The following ITSN1 variants were observed in gnomAD, a reference collection of about 807,000 sequenced individuals.
ITSN1 encodes the protein intersectin 1.
ITSN1 carries 58 observed loss-of-function variants against 239.8 expected under a neutral mutation model. The observed-to-expected ratio is 0.24, with a 90% CI of 0.20 to 0.30. The LOEUF is 0.30. Ranked by LOEUF, ITSN1 falls within the 10% of genes least tolerant of loss-of-function variation. The pLI, the probability that ITSN1 is intolerant of heterozygous loss-of-function variation, is 1.00. For synonymous variants in ITSN1, 780 were observed against 770.8 expected, an observed-to-expected ratio of 1.01 and a Z score of -0.20; for missense variants, 1,558 against 2,103.3, an observed-to-expected ratio of 0.74 and a Z score of 5.07.
At chr21:33,670,394 C>T (rs1029171956) in intron 1 of ITSN1, among the ~76,000 whole-genome samples, 1 of 152,060 alleles carries the variant, frequency 6.6e-6, no homozygotes, top group Non-Finnish European at 1.5e-5. Context: ...ATTACTTATT[C>T]CCTAATTTAT....
intron 1 of ITSN1, among the ~76,000 whole-genome samples, chr21:33,713,629 C>G (rs926951037): frequency 1.1e-4 from 16 of 152,166 alleles, no homozygotes; most frequent in African/African-American, 3.9e-4. Context: ...GGACAAAACA[C>G]CTTAAGCCAA....
At chr21:33,683,022 A>T (rs979947410) in intron 1 of ITSN1, among the ~76,000 whole-genome samples, 2 of 152,028 alleles carry the variant, frequency 1.3e-5, no homozygotes, top group Admixed American at 6.5e-5. Flanking sequence ...TCCTCCTTCA[A>T]ATATATGAAC....
chr21:33,751,951 A>G, intron 7 of ITSN1, 45 bp downstream of exon 7: 2 of 1,153,002 alleles, frequency 1.7e-6, no homozygotes, highest in African/African-American at 1.5e-5. Flanking sequence ...TAAGGCCATT[A>G]CCTGATTAAA....
chr21:33,866,983 G>T lies in ITSN1; in HGVS notation c.4075-250G>T, dbSNP rs183892208. Among the ~76,000 whole-genome samples, 138 of 142,654 alleles carry T rather than the reference G, an allele frequency of 9.7e-4. 1 individual carries two copies. Among genetic ancestry groups the T allele is most frequent in the Non-Finnish European group, 9.0e-4 (57 of 63,362 alleles). The allele number at this position is 142,654 out of a possible 152,430, so 93.6% of individuals were successfully genotyped here. On this transcript the variant is annotated intron_variant, in intron 32 of 39. Coordinates refer to ENST00000381318, the MANE Select transcript of ITSN1 (RefSeq NM_003024.3). Reference sequence around the variant, plus strand: ...ATAAGGAACCATGCATGCCATGGAGGGTATGCTGAATCCAGAGTGCAGGGC... The same window carrying T: ...ATAAGGAACCATGCATGCCATGGAGTGTATGCTGAATCCAGAGTGCAGGGC...
In ITSN1 at chr21:33,797,300, G is replaced by A; in HGVS notation, c.1953-79G>A. The A allele has an allele frequency of 1.6e-6, 2 of 1,233,798 alleles. No homozygotes were observed. Among genetic ancestry groups the A allele is most frequent in the South Asian group, 1.3e-5 (1 of 77,688 alleles). The allele number at this position is 1,233,798 out of a possible 1,614,324, so 76.4% of individuals were successfully genotyped here. ...GTTCCCATCCCATTTACTGGATGGAGCTTTTTTTGTGAAAAGAGGCAACAG... is the reference window on the plus strand; with the variant it reads ...GTTCCCATCCCATTTACTGGATGGAACTTTTTTTGTGAAAAGAGGCAACAG... On this transcript the variant is annotated intron_variant, in intron 17 of 39. Transcript: ENST00000381318. The surrounding 1 kb of genome is among the most constrained non-coding windows in gnomAD (Gnocchi z 4.9).
intron 1 of ITSN1, among the ~76,000 whole-genome samples, chr21:33,704,913 C>T (rs1158772126): frequency 3.9e-5 from 5 of 128,582 alleles, no homozygotes; most frequent in African/African-American, 1.6e-4. Flanking sequence ...ATGGAGAAAC[C>T]CATCTCTACT....
rs1986626080 is a variant in ITSN1 at position 33,895,101 on chromosome 21, G to C, written c.*6801G>C. On this transcript the variant is annotated 3_prime_UTR_variant, in exon 40 of 40. Transcript: ENST00000381318. ...TGGGTGGGAAGGAAGCTCGCGGCGA[G>C]CCTAGGGTTCAAGCCTAGCGCGCCA... 1 of 152,334 alleles carries C rather than the reference G, an allele frequency of 6.6e-6. No homozygotes were observed. Among genetic ancestry groups the C allele is most frequent in the Non-Finnish European group, 1.5e-5 (1 of 68,146 alleles). The allele number at this position is 152,334 out of a possible 1,614,324, so 9.4% of individuals were successfully genotyped here.
intron 1 of ITSN1, among the ~76,000 whole-genome samples, chr21:33,657,298 C>T (rs2089175364): frequency 1.3e-5 from 2 of 152,194 alleles, no homozygotes; most frequent in South Asian, 4.1e-4. Flanking sequence ...CTTTCTTGAC[C>T]TTCTCCTTTT....
intron 14 of ITSN1, among the ~76,000 whole-genome samples, chr21:33,776,628 T>C (rs2069651004): frequency 6.6e-6 from 1 of 152,086 alleles, no homozygotes; most frequent in Non-Finnish European, 1.5e-5. Context: ...CATTTTACAT[T>C]CTGATCATTT....
chr21:33,655,183 G>T (rs1006887723), intron 1 of ITSN1, among the ~76,000 whole-genome samples: 1 of 152,150 alleles, frequency 6.6e-6, no homozygotes, highest in African/African-American at 2.4e-5. Flanking sequence ...GCGGACTCTG[G>T]CTCGGACCTG....
chr21:33,778,454 A>G (rs1016127491), intron 14 of ITSN1, among the ~76,000 whole-genome samples: 1 of 151,542 alleles, frequency 6.6e-6, no homozygotes, highest in Admixed American at 6.6e-5. Flanking sequence ...TTATGCAGAT[A>G]TAGGGCTATT....
intron 27 of ITSN1, among the ~76,000 whole-genome samples, chr21:33,832,181 C>G (rs913193900): frequency 6.6e-6 from 1 of 152,158 alleles, no homozygotes; most frequent in Non-Finnish European, 1.5e-5. Context: ...TGCCTTTGTT[C>G]ATGACATTTC....
intron 11 of ITSN1, among the ~76,000 whole-genome samples, chr21:33,769,853 A>G (rs1215852699): frequency 6.6e-6 from 1 of 151,278 alleles, no homozygotes; most frequent in African/African-American, 2.4e-5. Flanking sequence ...GTGCCACCAC[A>G]CCCAGCTAAT....
intron 29 of ITSN1, chr21:33,837,791 G>T (rs554250537): frequency 1.0e-6 from 1 of 985,804 alleles, no homozygotes; most frequent in Admixed American, 6.1e-5. Context: ...GTTTTTGTTC[G>T]GTCTCAGATT....
chr21:33,847,795 G>A (rs1361140867), intron 29 of ITSN1, among the ~76,000 whole-genome samples: 1 of 152,166 alleles, frequency 6.6e-6, no homozygotes, highest in East Asian at 1.9e-4. Flanking sequence ...GGCCTGGACG[G>A]ATCAGTTTCC....
chr21:33,771,777 A>G (rs965697771), intron 11 of ITSN1, among the ~76,000 whole-genome samples: 2 of 152,192 alleles, frequency 1.3e-5, no homozygotes, highest in Admixed American at 1.3e-4. Flanking sequence ...TCATGGGAAG[A>G]AGGGAAAGGA....
chr21:33,842,627 G>A (rs1261177634), intron 29 of ITSN1, among the ~76,000 whole-genome samples: 1 of 152,032 alleles, frequency 6.6e-6, no homozygotes, highest in Non-Finnish European at 1.5e-5. Flanking sequence ...CAGCCAGAAG[G>A]CAGATAAATA....
chr21:33,888,182 C>T lies in ITSN1; in HGVS notation c.5048C>T (p.Ala1683Val), dbSNP rs777159341. 1.5e-5 allele frequency: 24 copies of T among 1,613,990 alleles called. No individual in the cohort carries two copies. Among genetic ancestry groups the T allele is most frequent in the East Asian group, 8.9e-5 (4 of 44,880 alleles). ...TTGGGTCGGACGGAGATCCGTGTGG[C>T]GGACATCAAGAAAGACCAGGGCTCC... Reference protein sequence around the residue: ...DFLGRTEIRVADIKKDQGSKG... With the variant: ...DFLGRTEIRVVDIKKDQGSKG... The change falls in exon 40 of 40, where the codon GCG becomes GTG. Residue 1683 changes from alanine to valine, a missense_variant. Physicochemically the swap from Ala to Val is moderately conservative, Grantham distance 64. Transcript: ENST00000381318.
At chr21:33,823,906 G>C (rs551554614) in intron 25 of ITSN1, among the ~76,000 whole-genome samples, 2 of 152,212 alleles carry the variant, frequency 1.3e-5, no homozygotes, top group African/African-American at 4.8e-5. Context: ...CAGCTGGGAG[G>C]ATAATGTTCA....
Sources: gnomAD v4.1 joint callset for allele counts (sites outside exome capture counted in the v4.1 genomes callset) on GRCh38, gnomAD v4.1.1 for gene constraint, Gnocchi (gnomAD v3.1) non-coding constraint, MANE v1.5 for transcripts, NCBI Gene and HGNC (gene_info 2026-07-23, HGNC 2026-07-21) for gene names.